MASP1: variants seen among roughly 807,000 people sequenced by gnomAD.
MASP1 encodes the protein mannan-binding lectin serine protease 1.
MASP1 carries 59 observed loss-of-function variants against 77.1 expected under a neutral mutation model. The ratio of observed to expected loss-of-function variants is 0.77; its 90% confidence interval spans 0.62 to 0.95. The LOEUF (loss-of-function observed/expected upper bound fraction) is 0.95, where lower values mean the gene tolerates loss of function less well. MASP1 is among the 40% of genes least tolerant of loss of function. MASP1 has a pLI of 0.00. For synonymous variants in MASP1, 362 were observed against 354.5 expected, an observed-to-expected ratio of 1.02 and a Z score of -0.24; for missense variants, 885 against 912.9, an observed-to-expected ratio of 0.97 and a Z score of 0.39.
In MASP1 at chr3:187,256,760, G is replaced by A. The variant is rs776925228; in HGVS notation, c.648C>T (p.Ile216=). The part of the protein sequence containing the change: ...YPKSSECLYT[I]ELEEGFMVNL... Reference sequence around the variant, plus strand: ...TGACCATGAAACCCTCCTCCAGCTCGATGGTATACAGGCATTCAGAGCTCT... The same window carrying A: ...TGACCATGAAACCCTCCTCCAGCTCAATGGTATACAGGCATTCAGAGCTCT... The change falls in exon 5 of 11, where the codon ATC becomes ATT. Residue 216 remains isoleucine (I), a synonymous_variant. Coordinates refer to ENST00000296280, the MANE Select transcript of MASP1 (RefSeq NM_139125.4). 117 of 1,613,956 alleles carry A rather than the reference G, an allele frequency of 7.2e-5. No homozygotes were observed. The highest frequency in any genetic ancestry group is 1.6e-4 in the Middle Eastern group (1 of 6,062).
intron 2 of MASP1, among the ~76,000 whole-genome samples, chr3:187,282,378 T>C (rs1297256841): frequency 1.3e-5 from 2 of 151,378 alleles, no homozygotes; most frequent in Admixed American, 6.6e-5. Flanking sequence ...GTGCCTGTCG[T>C]CCCAGCTGCT....
intron 8 of MASP1, chr3:187,244,432 A>C (rs895015773): frequency 6.6e-6 from 1 of 152,280 alleles, no homozygotes; most frequent in African/African-American, 2.4e-5. Context: ...TTTCATGGCC[A>C]TATCAGAGGC....
Position 187,270,369 on chromosome 3 carries a change from T to C in MASP1, c.238-7649A>G, listed in dbSNP as rs531372251. 5.9e-5 allele frequency among the ~76,000 whole-genome samples: 9 copies of C among 152,174 alleles called. No individual in the cohort carries two copies. The South Asian group carries it at 1.0e-3, about 18-fold the overall frequency. ...AAATCTTTTCACCCTAGAGTTCCAA[T>C]TGGGATCTTCATCCTCCACCATCCC... On this transcript the variant is annotated intron_variant, in intron 2 of 10. Coordinates refer to ENST00000296280, the MANE Select transcript of MASP1 (RefSeq NM_139125.4).
At chr3:187,268,998 G>A (rs1716293281) in intron 2 of MASP1, among the ~76,000 whole-genome samples, 1 of 151,720 alleles carries the variant, frequency 6.6e-6, no homozygotes, top group Admixed American at 6.6e-5. Flanking sequence ...CTGGGAGGCG[G>A]AGGTTGCAGT....
chr3:187,222,391 G>C (rs943471632), intron 14 of MASP1, among the ~76,000 whole-genome samples: 1 of 152,150 alleles, frequency 6.6e-6, no homozygotes, highest in Non-Finnish European at 1.5e-5. Flanking sequence ...ACACCAAATA[G>C]ACCCCCGGGA....
intron 10 of MASP1, among the ~76,000 whole-genome samples, chr3:187,240,257 G>A (rs1447875097): frequency 1.3e-5 from 2 of 151,944 alleles, no homozygotes; most frequent in South Asian, 2.1e-4. Flanking sequence ...ACTGTATACT[G>A]TAGGGTTACT....
intron 15 of MASP1, chr3:187,220,937 C>A (rs1331808865): frequency 4.1e-6 from 4 of 969,608 alleles, no homozygotes; most frequent in Non-Finnish European, 6.6e-6. Context: ...CCCCACACTG[C>A]CAGCCCACCA....
At chr3:187,229,776 G>T, downstream of MASP1, 4 of 1,614,134 alleles carry the variant, frequency 2.5e-6, no homozygotes, top group Non-Finnish European at 3.4e-6. Context: ...GGGAGCCTCC[G>T]CAGAAGGGCT....
chr3:187,236,295 G>A lies in MASP1; in HGVS notation c.1576C>T (p.Arg526Ter), dbSNP rs377074720. 2.8e-5 allele frequency: 45 copies of A among 1,614,106 alleles called. No homozygotes were observed. Among genetic ancestry groups the A allele is most frequent in the Admixed American group, 1.3e-4 (8 of 60,012 alleles). Reference sequence around the variant, plus strand: ...CTGTTGACTGCCCCCGATTTGTCTCGCACATCATGCAAGCCCAGGTAGACG... The same window carrying A: ...CTGTTGACTGCCCCCGATTTGTCTCACACATCATGCAAGCCCAGGTAGACG... Reference protein sequence around the residue: ...VTVYLGLHDVRDKSGAVNSSA... With the variant: ...VTVYLGLHDV The change falls in exon 11 of 11, where the codon CGA becomes TGA. Residue 526 changes from arginine to a stop codon, truncating the protein, a stop_gained. Transcript: ENST00000296280. LOFTEE classifies it high-confidence loss of function.
chr3:187,247,055 G>T, intron 8 of MASP1: 1 of 1,348,672 alleles, frequency 7.4e-7, no homozygotes, highest in Non-Finnish European at 9.5e-7. Flanking sequence ...GTTGAGAAAA[G>T]TACAGTCCAC....
chr3:187,246,586 G>C, intron 8 of MASP1: 4 of 985,622 alleles, frequency 4.1e-6, no homozygotes, highest in Non-Finnish European at 4.8e-6. Flanking sequence ...GATTCCAGCT[G>C]CCACTCCCCA....
At chr3:187,261,341 C>T (rs997620538) in intron 3 of MASP1, among the ~76,000 whole-genome samples, 2 of 152,234 alleles carry the variant, frequency 1.3e-5, no homozygotes, top group Non-Finnish European at 2.9e-5. Flanking sequence ...AGAGCTTGTG[C>T]TCTTAACTTC....
downstream of MASP1, among the ~76,000 whole-genome samples, chr3:187,233,205 A>G (rs1712874753): frequency 6.6e-6 from 1 of 151,830 alleles, no homozygotes; most frequent in Non-Finnish European, 1.5e-5. Context: ...CTGAATTCAA[A>G]TTTTCCAGTG....
At chr3:187,240,789 G>A (rs1432920155) in intron 10 of MASP1, among the ~76,000 whole-genome samples, 1 of 152,026 alleles carries the variant, frequency 6.6e-6, no homozygotes, top group African/African-American at 2.4e-5. Context: ...ACACCACCAC[G>A]ACTGGCTAAT....
At chr3:187,251,410 A>AT (rs1198055047) in intron 7 of MASP1, 1 of 508,010 alleles carries the variant, frequency 2.0e-6, no homozygotes, top group African/African-American at 2.6e-5. Context: ...TCATGCTCTG[A>AT]TTAAAAAAAA....
chr3:187,271,637 T>C (rs569042202), intron 2 of MASP1, among the ~76,000 whole-genome samples: 1 of 147,192 alleles, frequency 6.8e-6, no homozygotes, highest in East Asian at 2.0e-4. Context: ...TTAGTGGAAC[T>C]ATAGGTAATT....
intron 1 of MASP1, among the ~76,000 whole-genome samples, chr3:187,288,178 T>C (rs1430338075): frequency 6.6e-6 from 1 of 152,222 alleles, no homozygotes; most frequent in East Asian, 1.9e-4. Flanking sequence ...AAACAAAATG[T>C]CTTAATCCCA....
rs565728616 is a variant in MASP1, at chr3:187,288,761, A to G, written c.6-2705T>C. ...TTTTTCCAGACCACATCGAGGAGAC[A>G]CTGAGCCTCCTGAGGCCGGTTCTGT... On this transcript the variant is annotated intron_variant, in intron 1 of 10. Transcript: ENST00000296280. Among the ~76,000 whole-genome samples, 31 of 152,288 alleles carry G rather than the reference A, an allele frequency of 2.0e-4. No individual in the cohort carries two copies. In the South Asian group the frequency reaches 6.0e-3, roughly 30 times the overall value.
At chr3:187,288,437 G>T (rs1718031047) in intron 1 of MASP1, among the ~76,000 whole-genome samples, 1 of 152,222 alleles carries the variant, frequency 6.6e-6, no homozygotes, top group South Asian at 2.1e-4. Flanking sequence ...GCTAGATTCA[G>T]CTCCAGCTTT....
Sources: allele counts gnomAD v4.1 joint callset (sites outside exome capture counted in the v4.1 genomes callset), GRCh38; gene constraint gnomAD v4.1.1; transcripts MANE v1.5; gene names NCBI Gene and HGNC (gene_info 2026-07-23, HGNC 2026-07-21).